WIPF1: variants seen among roughly 807,000 people sequenced by gnomAD.
WIPF1 encodes the protein WAS/WASL interacting protein family member 1.
In WIPF1, 13 loss-of-function variants were observed where a neutral mutation model predicts 35.4. That is an observed-to-expected ratio of 0.37 (90% CI 0.24 to 0.58). WIPF1 has a LOEUF of 0.58. Among genes scored for constraint, WIPF1 ranks in the 20% least tolerant of loss-of-function variants. WIPF1 has a pLI of 0.74. For synonymous variants in WIPF1, 267 were observed against 266.3 expected (o/e 1.00, Z -0.02); for missense variants, 591 against 667.0 (o/e 0.89, Z 1.25).
At chr2:174,624,328 G>A (rs1346667617) in intron 1 of WIPF1, among the ~76,000 whole-genome samples, 1 of 152,182 alleles carries the variant, frequency 6.6e-6, no homozygotes, top group East Asian at 1.9e-4. Context: ...GGGGCCCTCT[G>A]AAAACATTAA....
intron 1 of WIPF1, among the ~76,000 whole-genome samples, chr2:174,653,741 CA>C (rs1175251483): frequency 0.019 from 1,080 of 57,892 alleles, 8 homozygotes; most frequent in African/African-American, 0.052. Context: ...GCCTCTGTCT[CA>C]AAAAAAAAAA....
At chr2:174,620,746 C>A (rs1011069806) in intron 1 of WIPF1, among the ~76,000 whole-genome samples, 1 of 152,168 alleles carries the variant, frequency 6.6e-6, no homozygotes, top group Non-Finnish European at 1.5e-5. Context: ...GTGAGTGTGA[C>A]TGGGCAGTAA....
intron 1 of WIPF1, among the ~76,000 whole-genome samples, chr2:174,675,851 A>C (rs1559179885): frequency 3.8e-5 from 1 of 26,168 alleles, no homozygotes; most frequent in African/African-American, 1.5e-4. Context: ...TGAGGGGAGG[A>C]GTGGGAGGGT....
Position 174,562,129 on chromosome 2 carries a change from T to C in WIPF1, c.*418A>G, listed in dbSNP as rs1475140440. ...CTCAGCAGCTTGCTTAGGTGGTCTG[T>C]GGTTCATAGAAACAGAGAGGAGGCC... On this transcript the variant is annotated 3_prime_UTR_variant, in exon 8 of 8. Transcript: ENST00000679041. The C allele has an allele frequency of 3.2e-6, 5 of 1,550,602 alleles. No individual in the cohort carries two copies. The highest frequency in any genetic ancestry group is 4.4e-6 in the Non-Finnish European group (5 of 1,147,010).
chr2:174,610,120 C>T (rs1045445877), intron 1 of WIPF1, among the ~76,000 whole-genome samples: 1 of 152,114 alleles, frequency 6.6e-6, no homozygotes, highest in African/African-American at 2.4e-5. Context: ...CGGGTTGCCT[C>T]GATGGGGTCA....
chr2:174,567,750 T>C (rs866667559), intron 6 of WIPF1, 111 bp downstream of exon 6: 10 of 1,197,198 alleles, frequency 8.4e-6, no homozygotes, highest in Admixed American at 7.2e-5. Flanking sequence ...TGCAATGGAG[T>C]GTGATAATGA....
At chr2:174,585,292 A>G (rs536852789) in intron 2 of WIPF1, among the ~76,000 whole-genome samples, 1 of 152,380 alleles carries the variant, frequency 6.6e-6, no homozygotes, top group African/African-American at 2.4e-5. Flanking sequence ...CTCATCAGCC[A>G]CATTCCACCC....
intron 1 of WIPF1, among the ~76,000 whole-genome samples, chr2:174,637,327 A>AT (rs1335057837): frequency 6.6e-6 from 1 of 152,026 alleles, no homozygotes; most frequent in East Asian, 1.9e-4. Context: ...CCAACTGTTT[A>AT]TGATTTTGGT....
intron 1 of WIPF1, among the ~76,000 whole-genome samples, chr2:174,595,088 C>CAAAAAA (rs57521272): frequency 0.015 from 74 of 5,044 alleles, 14 homozygotes; most frequent in Non-Finnish European, 0.024. Context: ...CTCATCTCTA[C>CAAAAAA]AAAAAAAAAA....
At chr2:174,612,954 A>G (rs1348583928) in intron 1 of WIPF1, among the ~76,000 whole-genome samples, 1 of 152,208 alleles carries the variant, frequency 6.6e-6, no homozygotes, top group Admixed American at 6.5e-5. Context: ...ATGTTCATAA[A>G]CCAAGGACTA....
intron 2 of WIPF1, among the ~76,000 whole-genome samples, chr2:174,584,678 G>A (rs891342729): frequency 2.0e-5 from 3 of 152,148 alleles, no homozygotes; most frequent in African/African-American, 7.2e-5. Flanking sequence ...TTGGGAGGCC[G>A]AGGTGGGTGG....
At chr2:174,643,553 C>T (rs1367972027) in intron 1 of WIPF1, among the ~76,000 whole-genome samples, 2 of 148,622 alleles carry the variant, frequency 1.3e-5, no homozygotes, top group Non-Finnish European at 2.9e-5. Flanking sequence ...GCTGGAATTA[C>T]AGGCACGCAA....
intron 1 of WIPF1, among the ~76,000 whole-genome samples, chr2:174,633,479 A>G (rs1484444722): frequency 1.3e-5 from 2 of 152,192 alleles, no homozygotes; most frequent in Non-Finnish European, 2.9e-5. Context: ...GTTTCCCAAA[A>G]ACACCCAGAA....
intron 2 of WIPF1, among the ~76,000 whole-genome samples, chr2:174,584,271 C>T (rs1417726432): frequency 6.6e-6 from 1 of 152,088 alleles, no homozygotes; most frequent in Non-Finnish European, 1.5e-5. Context: ...AACTTTTGTC[C>T]TCATCACTTT....
At chr2:174,580,981 C>T (rs1685220845) in intron 3 of WIPF1, among the ~76,000 whole-genome samples, 1 of 152,140 alleles carries the variant, frequency 6.6e-6, no homozygotes, top group African/African-American at 2.4e-5. Flanking sequence ...GATTCCAAGG[C>T]TAGGGCTCTT....
chr2:174,634,451 C>T (rs1218397369), intron 1 of WIPF1: 2 of 152,146 alleles, frequency 1.3e-5, no homozygotes, highest in Non-Finnish European at 2.9e-5. Flanking sequence ...AAAGACAGTT[C>T]AAGGAAAGAG....
chr2:174,568,167 C>T (rs748180254), intron 5 of WIPF1, 94 bp from the exon 6 acceptor site: 11 of 1,361,438 alleles, frequency 8.1e-6, no homozygotes, highest in Admixed American at 5.4e-5. Context: ...ACTTGCTGGA[C>T]ACATGCCCTT....
intron 3 of WIPF1, among the ~76,000 whole-genome samples, chr2:174,577,015 T>C (rs967589622): frequency 2.2e-4 from 34 of 152,338 alleles, no homozygotes; most frequent in African/African-American, 6.5e-4. Context: ...TATTTTCCCA[T>C]TTATTTATGT....
At chr2:174,621,838 T>C (rs1686685240) in intron 1 of WIPF1, among the ~76,000 whole-genome samples, 1 of 152,198 alleles carries the variant, frequency 6.6e-6, no homozygotes, top group East Asian at 1.9e-4. Context: ...AAATGGCCCC[T>C]GCTTTGGACT....
Sources: allele counts gnomAD v4.1 joint callset (sites outside exome capture counted in the v4.1 genomes callset), GRCh38; gene constraint gnomAD v4.1.1; transcripts MANE v1.5; gene names NCBI Gene and HGNC (gene_info 2026-07-23, HGNC 2026-07-21).